The following MAD1L1 variants were observed in gnomAD, a reference collection of about 807,000 sequenced individuals.
MAD1L1 encodes mitotic arrest deficient 1 like 1.
MAD1L1 carries 95 observed loss-of-function variants against 96.9 expected under a neutral mutation model. The ratio of observed to expected loss-of-function variants is 0.98; its 90% CI spans 0.83 to 1.16. MAD1L1 has a LOEUF of 1.16. Ranked by LOEUF, MAD1L1 falls within the 50% of genes most tolerant of loss-of-function variation. The pLI is 0.00. For missense variants in MAD1L1, 1,007 were observed against 954.4 expected, an observed-to-expected ratio of 1.06 and a Z score of -0.73; for synonymous variants, 473 against 396.6, an observed-to-expected ratio of 1.19 and a Z score of -2.29.
intron 15 of MAD1L1, among the ~76,000 whole-genome samples, chr7:1,978,479 T>G (rs1436054580): frequency 6.6e-6 from 1 of 152,092 alleles, no homozygotes. Flanking sequence ...CTCCTTCCCC[T>G]CCCCAGGCCT....
At chr7:1,907,345 G>A (rs920740611) in intron 17 of MAD1L1, among the ~76,000 whole-genome samples, 4 of 152,242 alleles carry the variant, frequency 2.6e-5, no homozygotes, top group African/African-American at 9.6e-5. Context: ...GGGACTGGAG[G>A]CAGCTTCGGA....
In MAD1L1 at chr7:2,207,211, C is replaced by T. The variant is rs548196993; in HGVS notation, c.986+6001G>A. ...TAACAATAATGAATCTTCCAATACA[C>T]GACCACAGTACCTTTACGATACTCT... On this transcript the variant is annotated intron_variant, in intron 10 of 18. Coordinates refer to ENST00000265854, the MANE Select transcript of MAD1L1 (RefSeq NM_001013836.2). 8.2e-4 allele frequency among the ~76,000 whole-genome samples: 125 copies of T among 152,172 alleles called. 1 individual carries two copies. The highest frequency in any genetic ancestry group is 1.5e-3 in the Non-Finnish European group (99 of 68,000).
intron 17 of MAD1L1, among the ~76,000 whole-genome samples, chr7:1,926,500 T>G (rs1212722309): frequency 1.5e-5 from 2 of 132,564 alleles, no homozygotes; most frequent in Non-Finnish European, 3.2e-5. Context: ...CTCAGCAACA[T>G]GTAAAAATAC....
chr7:1,877,913 G>A (rs1253716786), intron 18 of MAD1L1, among the ~76,000 whole-genome samples: 1 of 152,028 alleles, frequency 6.6e-6, no homozygotes, highest in Non-Finnish European at 1.5e-5. Flanking sequence ...GATCTGAAAG[G>A]AGAGAGATAA....
Position 2,213,037 on chromosome 7 carries a change from T to G in MAD1L1, c.986+175A>C, listed in dbSNP as rs2241007. On this transcript the variant is annotated intron_variant, in intron 10 of 18. Coordinates refer to ENST00000265854, the MANE Select transcript of MAD1L1 (RefSeq NM_001013836.2). ...AGCAGGATGAGTCACTGGGTTCCAC[T>G]GCCCCATCCGCTGGGAAAGGCCTCA... Among the ~76,000 whole-genome samples, 26 of 152,336 alleles carry G rather than the reference T, an allele frequency of 1.7e-4. No homozygotes were observed. The East Asian group carries it at 4.6e-3, about 27-fold the overall frequency.
intron 10 of MAD1L1, among the ~76,000 whole-genome samples, chr7:2,155,380 T>A (rs775552819): frequency 2.0e-5 from 3 of 152,188 alleles, no homozygotes; most frequent in Non-Finnish European, 2.9e-5. Flanking sequence ...GTTGAGCATA[T>A]TCATGTTATT....
intron 12 of MAD1L1, among the ~76,000 whole-genome samples, chr7:2,017,205 CG>C (rs1249970654): frequency 6.6e-6 from 1 of 152,208 alleles, no homozygotes; most frequent in Non-Finnish European, 1.5e-5. Context: ...ACTCCACCTG[CG>C]GGCAAGTCCA....
chr7:2,149,883 C>A (rs1033488208), intron 10 of MAD1L1, among the ~76,000 whole-genome samples: 3 of 152,262 alleles, frequency 2.0e-5, no homozygotes, highest in Admixed American at 6.5e-5. Flanking sequence ...CAGCAAGGAT[C>A]TGAGCCATGC....
chr7:2,081,004 C>T (rs751404085), intron 11 of MAD1L1, among the ~76,000 whole-genome samples: 1 of 152,206 alleles, frequency 6.6e-6, no homozygotes, highest in East Asian at 1.9e-4. Flanking sequence ...AGACTCTGTG[C>T]CCCCTCTCCC....
chr7:1,888,109 G>A (rs1166754603), intron 18 of MAD1L1, among the ~76,000 whole-genome samples: 2 of 146,972 alleles, frequency 1.4e-5, no homozygotes, highest in Non-Finnish European at 3.0e-5. Flanking sequence ...GGGGCTGCCT[G>A]TGCCTGTGTG....
intron 10 of MAD1L1, among the ~76,000 whole-genome samples, chr7:2,209,448 G>T (rs1466771582): frequency 6.6e-6 from 1 of 152,152 alleles, no homozygotes; most frequent in East Asian, 1.9e-4. Context: ...AGGGCCCCAG[G>T]ACACTGGTCA....
At chr7:2,027,463 T>C (rs73281330) in intron 12 of MAD1L1, among the ~76,000 whole-genome samples, 13,141 of 152,250 alleles carry the variant, frequency 0.086, 1,844 homozygotes, top group African/African-American at 0.29. Flanking sequence ...ATTAACGTAC[T>C]GGCAAACCAA....
At position 2,114,594 on chromosome 7, in the gene MAD1L1, C is replaced by T. The variant is rs1025639167; in HGVS notation, c.1073+34558G>A. 2.0e-5 allele frequency among the ~76,000 whole-genome samples: 3 copies of T among 152,236 alleles called. No homozygotes were observed. Among genetic ancestry groups the T allele is most frequent in the Non-Finnish European group, 4.4e-5 (3 of 68,044 alleles). ...AAGATGAGCATGGCTACGACTTGAACGGTGGTTTCTTAACAGGGTCCAACA... is the reference window on the plus strand; with the variant it reads ...AAGATGAGCATGGCTACGACTTGAATGGTGGTTTCTTAACAGGGTCCAACA... On this transcript the variant is annotated intron_variant, in intron 11 of 18. Coordinates refer to ENST00000265854, the MANE Select transcript of MAD1L1 (RefSeq NM_001013836.2). This position sits in a 1 kb window ranked among gnomAD's most constrained non-coding sequence, Gnocchi z 4.2.
intron 18 of MAD1L1, among the ~76,000 whole-genome samples, chr7:1,836,863 T>C (rs1782959894): frequency 6.6e-6 from 1 of 151,850 alleles, no homozygotes; most frequent in South Asian, 2.1e-4. Context: ...ATAAAACTTC[T>C]AGAAGAAAAA....
chr7:1,978,571 T>G (rs950043485), intron 15 of MAD1L1, among the ~76,000 whole-genome samples: 1 of 152,114 alleles, frequency 6.6e-6, no homozygotes, highest in African/African-American at 2.4e-5. Context: ...AGAGACTGCA[T>G]GCTCACCATG....
intron 18 of MAD1L1, among the ~76,000 whole-genome samples, chr7:1,837,552 C>T (rs574068131): frequency 1.2e-4 from 18 of 152,320 alleles, no homozygotes; most frequent in African/African-American, 3.8e-4. Context: ...CCGGAATGCC[C>T]GTCAACATCT....
In MAD1L1 at chr7:1,905,124, G is replaced by T. The variant is rs1463737391; in HGVS notation, c.1808-6734C>A. Reference sequence around the variant, plus strand: ...GGCAGCGAGGACGCAGTGGCCTACGGAAGACGCTCTCGCGGAATTCATGAT... The same window carrying T: ...GGCAGCGAGGACGCAGTGGCCTACGTAAGACGCTCTCGCGGAATTCATGAT... On this transcript the variant is annotated intron_variant, in intron 17 of 18. Transcript: ENST00000265854. Among the ~76,000 whole-genome samples the T allele has an allele frequency of 3.3e-5, 3 of 89,842 alleles. 1 individual carries two copies. Among genetic ancestry groups the T allele is most frequent in the Non-Finnish European group, 4.6e-5 (2 of 43,072 alleles). The allele number at this position is 89,842 out of a possible 152,430, so 58.9% of individuals were successfully genotyped here. A position where few individuals can be genotyped will look rare whatever the true frequency, so the allele number is the denominator to read the frequency against.
chr7:1,845,625 C>T (rs59093903), intron 18 of MAD1L1: 2 of 139,110 alleles, frequency 1.4e-5, no homozygotes, highest in Non-Finnish European at 1.6e-5. Context: ...CTCTGGTTCA[C>T]GGGGAAGAGC....
At chr7:2,202,449 G>A (rs1052544837) in intron 10 of MAD1L1, among the ~76,000 whole-genome samples, 1 of 152,192 alleles carries the variant, frequency 6.6e-6, no homozygotes, top group African/African-American at 2.4e-5. Context: ...CAGACGCACA[G>A]GCCTGAGGGA....
Sources: allele counts gnomAD v4.1 joint callset (sites outside exome capture counted in the v4.1 genomes callset), GRCh38; gene constraint gnomAD v4.1.1; non-coding constraint Gnocchi (gnomAD v3.1); transcripts MANE v1.5; gene names NCBI Gene and HGNC (gene_info 2026-07-23, HGNC 2026-07-21).